The following ANKRD28 variants were observed in gnomAD, a reference collection of about 807,000 sequenced individuals.
ANKRD28 encodes serine/threonine-protein phosphatase 6 regulatory ankyrin repeat subunit A.
Under a neutral mutation model 126.5 loss-of-function variants are expected in ANKRD28, and 44 were observed. That is an observed-to-expected ratio of 0.35 (90% CI 0.27 to 0.45). The LOEUF (loss-of-function observed/expected upper bound fraction) is 0.45. Ranked by LOEUF, ANKRD28 falls within the 20% of genes least tolerant of loss-of-function variation. The pLI is 1.00. For missense variants in ANKRD28, 1,110 were observed against 1,316.6 expected (o/e 0.84, Z 2.43); for synonymous variants, 442 against 468.5 (o/e 0.94, Z 0.73).
intron 4 of ANKRD28, among the ~76,000 whole-genome samples, chr3:15,740,624 G>A (rs1204116381): frequency 6.6e-6 from 1 of 152,150 alleles, no homozygotes; most frequent in Admixed American, 6.5e-5. Context: ...GAATACTAGA[G>A]ATGTCAGCCT....
At chr3:15,719,949 C>A (rs1276481503) in intron 8 of ANKRD28, among the ~76,000 whole-genome samples, 1 of 152,154 alleles carries the variant, frequency 6.6e-6, no homozygotes, top group Non-Finnish European at 1.5e-5. Flanking sequence ...CAGCTCACTG[C>A]AGCCTTGACC....
chr3:15,753,064 T>A (rs2057954963), intron 3 of ANKRD28, among the ~76,000 whole-genome samples: 1 of 152,166 alleles, frequency 6.6e-6, no homozygotes, highest in African/African-American at 2.4e-5. Context: ...TGAGAGTAGC[T>A]GAGTTCTCTG....
In ANKRD28 at chr3:15,670,424, T is replaced by TA; in HGVS notation, c.3097dup (p.Tyr1033LeufsTer11). The TA allele has an allele frequency of 6.2e-7, 1 of 1,613,994 alleles. No homozygotes were observed. Among genetic ancestry groups the TA allele is most frequent in the South Asian group, 1.1e-5 (1 of 91,082 alleles). On this transcript the variant is annotated frameshift_variant, in exon 28 of 28. Transcript: ENST00000683139. LOFTEE classifies it high-confidence loss of function. Reference sequence around the variant, plus strand: ...GCTGACTGTTTTTGAGGTGTTGGTATAACGGTTAATGGCATTGAATGTTAA... The same window carrying TA: ...GCTGACTGTTTTTGAGGTGTTGGTATAAACGGTTAATGGCATTGAATGTTAA...
At chr3:15,678,492 T>C (rs936424154) in intron 23 of ANKRD28, 138 bp from the exon 24 acceptor site, 3 of 662,036 alleles carry the variant, frequency 4.5e-6, no homozygotes, top group South Asian at 3.2e-5. Context: ...CACAAACAAA[T>C]AGGCTCAATG....
In ANKRD28 at chr3:15,686,494, G is replaced by C; in HGVS notation, c.1964-185C>G. On this transcript the variant is annotated intron_variant, in intron 18 of 27. Coordinates refer to ENST00000683139, the MANE Select transcript of ANKRD28 (RefSeq NM_001349278.2). ...TTTGACTGTTAAAGCTGGAATAAAT[G>C]TGAATTCCTCACAGTAAAACATGAC... is the stretch of plus-strand genomic sequence containing the variant. 3 of 600,850 alleles carry C rather than the reference G, an allele frequency of 5.0e-6. No individual in the cohort carries two copies. In the South Asian group the frequency reaches 6.1e-5, roughly 12 times the overall value. The allele number at this position is 600,850 out of a possible 1,614,324, so 37.2% of individuals were successfully genotyped here.
intron 1 of ANKRD28, chr3:15,859,269 C>T (rs2061851583): frequency 6.8e-7 from 1 of 1,462,702 alleles, no homozygotes; most frequent in Admixed American, 2.4e-5. Context: ...CCCCGTTTCC[C>T]TCGCAACCAC....
intron 1 of ANKRD28, among the ~76,000 whole-genome samples, chr3:15,857,399 C>T (rs1045498407): frequency 1.9e-4 from 29 of 152,172 alleles, no homozygotes; most frequent in African/African-American, 7.0e-4. Context: ...ATTCTCCTGT[C>T]GCAGCCTCCA....
At chr3:15,782,064 T>C (rs908398829) in intron 2 of ANKRD28, among the ~76,000 whole-genome samples, 5 of 152,146 alleles carry the variant, frequency 3.3e-5, no homozygotes, top group African/African-American at 1.2e-4. Context: ...TACCACTGTA[T>C]TTCTAAGTTA....
At chr3:15,670,946 A>C (rs1367121228) in intron 27 of ANKRD28, among the ~76,000 whole-genome samples, 1 of 152,234 alleles carries the variant, frequency 6.6e-6, no homozygotes, top group Non-Finnish European at 1.5e-5. Flanking sequence ...ATCAGTGTCA[A>C]GGTAAGAAAA....
intron 6 of ANKRD28, chr3:15,732,006 G>C (rs2074663645): frequency 6.6e-6 from 1 of 152,076 alleles, no homozygotes; most frequent in African/African-American, 2.4e-5. Context: ...CCAGTGCATG[G>C]CTACATGGTC....
chr3:15,811,233 A>G (rs1295240905), intron 1 of ANKRD28, among the ~76,000 whole-genome samples: 1 of 152,190 alleles, frequency 6.6e-6, no homozygotes, highest in Non-Finnish European at 1.5e-5. Flanking sequence ...GCTTTATTAG[A>G]AGAAATTATT....
intron 1 of ANKRD28, among the ~76,000 whole-genome samples, chr3:15,829,436 T>C (rs549822998): frequency 1.9e-4 from 29 of 152,314 alleles, no homozygotes; most frequent in Non-Finnish European, 3.1e-4. Flanking sequence ...TGACAAGTGA[T>C]ATCTCTTAGA....
At chr3:15,744,114 C>T (rs1014253624) in intron 4 of ANKRD28, among the ~76,000 whole-genome samples, 2 of 152,094 alleles carry the variant, frequency 1.3e-5, no homozygotes, top group African/African-American at 4.8e-5. Context: ...AAATAAGTAA[C>T]GATGGTGTAA....
intron 1 of ANKRD28, among the ~76,000 whole-genome samples, chr3:15,840,974 C>T (rs2061415112): frequency 6.6e-6 from 1 of 152,102 alleles, no homozygotes; most frequent in South Asian, 2.1e-4. Flanking sequence ...AACACTGTCT[C>T]TACTACAAAT....
chr3:15,787,337 A>T (rs1044165041), intron 2 of ANKRD28, among the ~76,000 whole-genome samples: 3 of 152,176 alleles, frequency 2.0e-5, no homozygotes, highest in African/African-American at 7.2e-5. Context: ...CATAGGACAT[A>T]TACTTGGTTA....
chr3:15,707,581 C>T (rs192925979), intron 14 of ANKRD28, among the ~76,000 whole-genome samples: 2 of 152,286 alleles, frequency 1.3e-5, no homozygotes, highest in African/African-American at 4.8e-5. Flanking sequence ...TATATCTCCT[C>T]TCTCCCTTTC....
chr3:15,845,640 A>G lies in ANKRD28; in HGVS notation c.27+13737T>C, dbSNP rs914261593. 1.3e-4 allele frequency among the ~76,000 whole-genome samples: 20 copies of G among 152,328 alleles called. 1 individual carries two copies. ...TCTGCTTATACATCCTTTAAAAGCC[A>G]GCTGTTGTTAACCTTCACGTATTAG... On this transcript the variant is annotated intron_variant, in intron 1 of 27. Transcript: ENST00000399451. The surrounding 1 kb of genome is among the most constrained non-coding windows in gnomAD (Gnocchi z 4.9).
chr3:15,753,778 A>G (rs1385292026), intron 3 of ANKRD28, among the ~76,000 whole-genome samples: 1 of 152,130 alleles, frequency 6.6e-6, no homozygotes, highest in Non-Finnish European at 1.5e-5. Context: ...CCCTGCCTCT[A>G]CTAAAAATAC....
intron 3 of ANKRD28, among the ~76,000 whole-genome samples, chr3:15,765,767 G>A (rs553732798): frequency 6.6e-6 from 1 of 151,424 alleles, no homozygotes; most frequent in South Asian, 2.1e-4. Context: ...TTGAACCAGG[G>A]AGCTGGAGGT....
Sources: allele counts gnomAD v4.1 joint callset (sites outside exome capture counted in the v4.1 genomes callset), GRCh38; gene constraint gnomAD v4.1.1; non-coding constraint Gnocchi (gnomAD v3.1); transcripts MANE v1.5; gene names NCBI Gene and HGNC (gene_info 2026-07-23, HGNC 2026-07-21).